The following BMPR1B variants were observed in gnomAD, a reference collection of about 807,000 sequenced individuals.
BMPR1B encodes bone morphogenetic protein receptor type 1B.
A neutral mutation model predicts 59.1 loss-of-function variants in BMPR1B; 12 were observed. The observed-to-expected ratio is 0.20, with a 90% CI of 0.13 to 0.33. BMPR1B has a LOEUF of 0.33. Among genes scored for constraint, BMPR1B ranks in the 10% least tolerant of loss-of-function variants. The pLI is 1.00. For missense variants in BMPR1B, 550 were observed against 610.9 expected, an observed-to-expected ratio of 0.90 and a Z score of 1.05; for synonymous variants, 237 against 207.3, an observed-to-expected ratio of 1.14 and a Z score of -1.23.
At chr4:95,012,201 T>G (rs1723273205) in intron 3 of BMPR1B, among the ~76,000 whole-genome samples, 1 of 152,182 alleles carries the variant, frequency 6.6e-6, no homozygotes. Context: ...GATTCCCTAT[T>G]TTGAGATGTC....
intron 2 of BMPR1B, among the ~76,000 whole-genome samples, chr4:94,876,773 A>G (rs1396958020): frequency 1.3e-5 from 2 of 152,098 alleles, no homozygotes; most frequent in Non-Finnish European, 1.5e-5. Flanking sequence ...TATCTTTTCT[A>G]ATAACACATG....
intron 3 of BMPR1B, among the ~76,000 whole-genome samples, chr4:95,027,628 A>C (rs1177764786): frequency 1.3e-5 from 2 of 152,182 alleles, no homozygotes; most frequent in Non-Finnish European, 2.9e-5. Context: ...TACTTTCCAC[A>C]TAGGCAGTCT....
intron 3 of BMPR1B, among the ~76,000 whole-genome samples, chr4:94,999,444 G>A (rs1284387789): frequency 6.6e-6 from 1 of 151,826 alleles, no homozygotes; most frequent in Non-Finnish European, 1.5e-5. Flanking sequence ...GTGTGTGTGT[G>A]TGTGTGTAAC....
At chr4:94,841,114 G>C (rs967101526) in intron 1 of BMPR1B, among the ~76,000 whole-genome samples, 2 of 148,998 alleles carry the variant, frequency 1.3e-5, no homozygotes, top group Non-Finnish European at 3.0e-5. Flanking sequence ...GAGGCAGTCT[G>C]CCCGTTCTCA....
chr4:94,976,670 T>C (rs1388323599), intron 2 of BMPR1B, among the ~76,000 whole-genome samples: 1 of 152,198 alleles, frequency 6.6e-6, no homozygotes, highest in African/African-American at 2.4e-5. Flanking sequence ...TGGAAAACCT[T>C]TGAACTAAAA....
chr4:95,040,102 A>G (rs1725547157), intron 3 of BMPR1B, among the ~76,000 whole-genome samples: 1 of 152,258 alleles, frequency 6.6e-6, no homozygotes, highest in South Asian at 2.1e-4. Context: ...TGAGGTTTCT[A>G]TGGAAAAACT....
At position 94,786,225 on chromosome 4, in the gene BMPR1B, C is replaced by A. The variant is rs371360728; in HGVS notation, c.-183+28157C>A. On this transcript the variant is annotated intron_variant, in intron 1 of 12. Coordinates refer to ENST00000515059, the MANE Select transcript of BMPR1B (RefSeq NM_001203.3). ...AGATGTATTATCATGCGGGTACTTA[C>A]CCCTGTGTGATTTGGAATTACATGT... Among the ~76,000 whole-genome samples the A allele has an allele frequency of 3.1e-3, 477 of 152,174 alleles. 4 individuals are homozygous for A. Among genetic ancestry groups the A allele is most frequent in the African/African-American group, 0.011 (443 of 41,496 alleles).
chr4:94,879,038 A>G (rs71601244), intron 2 of BMPR1B, among the ~76,000 whole-genome samples: 21,698 of 152,134 alleles, frequency 0.14, 1,720 homozygotes, highest in South Asian at 0.19. Context: ...TTTAGGGTAC[A>G]TGTGCACAAT....
intron 3 of BMPR1B, among the ~76,000 whole-genome samples, chr4:95,098,475 T>C (rs997519372): frequency 6.6e-6 from 1 of 152,162 alleles, no homozygotes; most frequent in African/African-American, 2.4e-5. Flanking sequence ...GATAAAACAG[T>C]GCAGTTTCTC....
chr4:95,129,762 A>G, intron 8 of BMPR1B, 100 bp from the exon 9 acceptor site: 1 of 1,155,306 alleles, frequency 8.7e-7, no homozygotes, highest in South Asian at 1.4e-5. Context: ...CTAGCTAAAT[A>G]TATTTTACAT....
At chr4:94,810,184 G>T (rs1723759777) in intron 1 of BMPR1B, among the ~76,000 whole-genome samples, 1 of 152,016 alleles carries the variant, frequency 6.6e-6, no homozygotes. Flanking sequence ...CCACATATTG[G>T]CATTATTTGC....
intron 2 of BMPR1B, among the ~76,000 whole-genome samples, chr4:94,881,795 C>G (rs1272591291): frequency 6.6e-6 from 1 of 152,010 alleles, no homozygotes; most frequent in Non-Finnish European, 1.5e-5. Flanking sequence ...GCCTTTTTTT[C>G]TTCAGCCATA....
At chr4:95,096,575 T>C (rs888572645) in intron 3 of BMPR1B, among the ~76,000 whole-genome samples, 1 of 150,842 alleles carries the variant, frequency 6.6e-6, no homozygotes, top group Non-Finnish European at 1.5e-5. Context: ...TTCTATTGTT[T>C]ATTTGCACGC....
At chr4:95,137,656 T>A (rs941215899) in intron 10 of BMPR1B, among the ~76,000 whole-genome samples, 12 of 152,216 alleles carry the variant, frequency 7.9e-5, no homozygotes, top group African/African-American at 2.9e-4. Context: ...TTTACCATTA[T>A]GTAATGGCCT....
intron 4 of BMPR1B, among the ~76,000 whole-genome samples, chr4:95,113,410 G>T (rs553784807): frequency 6.6e-6 from 1 of 152,280 alleles, no homozygotes; most frequent in South Asian, 2.1e-4. Context: ...TTCTGAGGGT[G>T]TTGATAATAA....
chr4:95,123,068 G>A (rs1579116039), intron 6 of BMPR1B, among the ~76,000 whole-genome samples: 1 of 152,118 alleles, frequency 6.6e-6, no homozygotes, highest in Admixed American at 6.6e-5. Flanking sequence ...TGGGGTTAAA[G>A]TCAGTGAATA....
intron 1 of BMPR1B, among the ~76,000 whole-genome samples, chr4:94,766,439 T>C (rs1302310132): frequency 6.6e-6 from 1 of 151,582 alleles, no homozygotes; most frequent in African/African-American, 2.4e-5. Flanking sequence ...CTCTTTTTCT[T>C]TTTAAAGATA....
At chr4:94,856,578 G>A (rs947997424) in intron 1 of BMPR1B, among the ~76,000 whole-genome samples, 1 of 152,182 alleles carries the variant, frequency 6.6e-6, no homozygotes, top group African/African-American at 2.4e-5. Context: ...CAGTCCAGAA[G>A]ACCAGCTTTA....
intron 2 of BMPR1B, among the ~76,000 whole-genome samples, chr4:94,984,093 G>A (rs1365196978): frequency 6.6e-6 from 1 of 152,190 alleles, no homozygotes; most frequent in Non-Finnish European, 1.5e-5. Context: ...CCAATTGGAG[G>A]GGGAGGGCAT....
Sources: allele counts gnomAD v4.1 joint callset (sites outside exome capture counted in the v4.1 genomes callset), GRCh38; gene constraint gnomAD v4.1.1; transcripts MANE v1.5; gene names NCBI Gene and HGNC (gene_info 2026-07-23, HGNC 2026-07-21).